The following CNOT4 variants were observed in gnomAD, a reference collection of about 807,000 sequenced individuals.
The protein encoded by CNOT4 is CCR4-associated factor 4.
In CNOT4, 8 loss-of-function variants were observed where a neutral mutation model predicts 73.8. The ratio of observed to expected loss-of-function variants is 0.11; its 90% CI spans 0.06 to 0.20. The LOEUF is 0.20. Among genes scored for constraint, CNOT4 ranks in the 10% least tolerant of loss-of-function variants. The pLI is 1.00. For missense variants in CNOT4, 564 were observed against 883.4 expected, an observed-to-expected ratio of 0.64 and a Z score of 4.58; for synonymous variants, 293 against 321.1, an observed-to-expected ratio of 0.91 and a Z score of 0.94.
chr7:135,469,323 A>G (rs924920616), intron 1 of CNOT4, among the ~76,000 whole-genome samples: 1 of 152,200 alleles, frequency 6.6e-6, no homozygotes, highest in Non-Finnish European at 1.5e-5. Context: ...TAGTATTTAA[A>G]TATTTGAGAA....
chr7:135,502,162 T>C (rs1804016297), intron 1 of CNOT4, among the ~76,000 whole-genome samples: 1 of 152,220 alleles, frequency 6.6e-6, no homozygotes. Flanking sequence ...TTCTGTCGAT[T>C]ATAATTATCC....
chr7:135,393,575 A>T (rs1388454260), intron 10 of CNOT4, among the ~76,000 whole-genome samples: 1 of 152,192 alleles, frequency 6.6e-6, no homozygotes, highest in East Asian at 1.9e-4. Context: ...ATAAAATCAT[A>T]ATTTTCACCA....
intron 7 of CNOT4, among the ~76,000 whole-genome samples, chr7:135,404,717 C>G (rs1797186849): frequency 6.6e-6 from 1 of 152,142 alleles, no homozygotes; most frequent in African/African-American, 2.4e-5. Flanking sequence ...AAGGATATAG[C>G]TGTATTTTTA....
intron 1 of CNOT4, among the ~76,000 whole-genome samples, chr7:135,486,722 G>A (rs1029200666): frequency 6.6e-6 from 1 of 152,106 alleles, no homozygotes; most frequent in Non-Finnish European, 1.5e-5. Flanking sequence ...GCAATAAAAA[G>A]GAACAAAGAG....
intron 10 of CNOT4, among the ~76,000 whole-genome samples, chr7:135,381,794 T>C (rs954289462): frequency 3.9e-5 from 6 of 152,120 alleles, no homozygotes; most frequent in African/African-American, 1.2e-4. Flanking sequence ...TCACCCGCTA[T>C]AAAAAAGAAA....
chr7:135,471,624 T>C (rs907993541), intron 1 of CNOT4, among the ~76,000 whole-genome samples: 2 of 152,242 alleles, frequency 1.3e-5, no homozygotes, highest in African/African-American at 4.8e-5. Context: ...TATGTATATA[T>C]GTATGTATTT....
intron 7 of CNOT4, among the ~76,000 whole-genome samples, chr7:135,402,740 A>T (rs1321793977): frequency 2.0e-5 from 3 of 152,148 alleles, no homozygotes; most frequent in Non-Finnish European, 4.4e-5. Context: ...CAAATTCAAA[A>T]CTGTCTGCAA....
intron 1 of CNOT4, among the ~76,000 whole-genome samples, chr7:135,460,943 G>A (rs536730960): frequency 1.3e-5 from 2 of 152,272 alleles, no homozygotes; most frequent in Non-Finnish European, 2.9e-5. Flanking sequence ...GGCTACATAG[G>A]CACATACAAT....
At chr7:135,404,955 T>C (rs889333304) in intron 7 of CNOT4, among the ~76,000 whole-genome samples, 1 of 152,164 alleles carries the variant, frequency 6.6e-6, no homozygotes, top group African/African-American at 2.4e-5. Flanking sequence ...AAACTACATA[T>C]AGTTATGGCA....
chr7:135,444,844 T>C lies in CNOT4; in HGVS notation c.-92-6421A>G, dbSNP rs1799721866. The stretch of plus-strand genomic sequence containing the variant: ...GCTGCCAAGGCAGGGCTTTTGGCAC[T>C]TTCAGCTTTAACCTTTGCTGGGCTT... On this transcript the variant is annotated intron_variant, in intron 1 of 11. Coordinates refer to ENST00000541284, the MANE Select transcript of CNOT4 (RefSeq NM_001190850.2). The C allele has an allele frequency of 5.0e-6, 8 of 1,607,236 alleles. No homozygotes were observed. The Admixed American group carries it at 5.0e-5, about 10-fold the overall frequency.
intron 10 of CNOT4, among the ~76,000 whole-genome samples, chr7:135,390,319 C>T (rs1796334793): frequency 1.3e-5 from 2 of 151,992 alleles, no homozygotes; most frequent in Non-Finnish European, 2.9e-5. Flanking sequence ...TGACCTTTAA[C>T]AAATTATTTA....
intron 1 of CNOT4, among the ~76,000 whole-genome samples, chr7:135,464,079 T>C (rs1801072824): frequency 2.0e-5 from 3 of 148,134 alleles, no homozygotes; most frequent in Non-Finnish European, 3.0e-5. Flanking sequence ...GGAACACTTA[T>C]ATTGCTGGTG....
Position 135,394,228 on chromosome 7 carries a change from G to A in CNOT4, c.1317C>T (p.Ser439=), listed in dbSNP as rs765097943. ...CTTTGGCGGTTGTAGTGTGTGAAGA[G>A]GAGTTCTGAAGAGATGTGGGCGAAA... ...PSLSPTSLQN[S]SSHTTTAKGP... is the part of the protein sequence containing the mutation. Residue 439 remains serine (S), a synonymous_variant, in exon 10 of 12, where the codon TCC becomes TCT. Coordinates refer to ENST00000541284, the MANE Select transcript of CNOT4 (RefSeq NM_001190850.2). The A allele has an allele frequency of 1.9e-6, 3 of 1,614,038 alleles. No individual in the cohort carries two copies. The highest frequency in any genetic ancestry group is 2.5e-6 in the Non-Finnish European group (3 of 1,180,012).
chr7:135,415,298 C>T (rs932540896), intron 3 of CNOT4, 36 bp from the exon 4 acceptor site: 2 of 1,059,290 alleles, frequency 1.9e-6, no homozygotes, highest in Non-Finnish European at 2.9e-6. Flanking sequence ...TAAACTGTCC[C>T]CATTTTAAAC....
intron 10 of CNOT4, among the ~76,000 whole-genome samples, chr7:135,376,764 G>A (rs534229813): frequency 3.7e-4 from 57 of 152,172 alleles, no homozygotes; most frequent in African/African-American, 1.3e-3. Flanking sequence ...TATCAGCATC[G>A]AATTGTCTTA....
intron 9 of CNOT4, 69 bp from the exon 10 acceptor site, chr7:135,394,484 G>T: frequency 7.9e-7 from 1 of 1,262,274 alleles, no homozygotes. Context: ...AAGTATCCAT[G>T]CTACTGAAAG....
intron 1 of CNOT4, among the ~76,000 whole-genome samples, chr7:135,469,372 A>G (rs2129486639): frequency 6.6e-6 from 1 of 152,320 alleles, no homozygotes; most frequent in East Asian, 1.9e-4. Flanking sequence ...TATGTGAAAC[A>G]AAAATTCTCT....
At chr7:135,400,077 T>C (rs907349563) in intron 7 of CNOT4, among the ~76,000 whole-genome samples, 1 of 151,920 alleles carries the variant, frequency 6.6e-6, no homozygotes, top group Non-Finnish European at 1.5e-5. Context: ...CAAATTTAAG[T>C]AGGTCCTTAA....
chr7:135,482,835 A>T (rs764535755), intron 1 of CNOT4, among the ~76,000 whole-genome samples: 1 of 151,808 alleles, frequency 6.6e-6, no homozygotes, highest in Non-Finnish European at 1.5e-5. Context: ...AAAATACAAA[A>T]ATTAGACAGG....
Sources: gnomAD v4.1 joint callset for allele counts (sites outside exome capture counted in the v4.1 genomes callset) on GRCh38, gnomAD v4.1.1 for gene constraint, MANE v1.5 for transcripts, NCBI Gene and HGNC (gene_info 2026-07-23, HGNC 2026-07-21) for gene names.